The following FOXK1 variants were observed in gnomAD, a reference collection of about 807,000 sequenced individuals.
The protein encoded by FOXK1 is forkhead box protein K1.
A neutral mutation model predicts 51.9 loss-of-function variants in FOXK1; 19 were observed. The ratio of observed to expected loss-of-function variants is 0.37; its 90% CI spans 0.26 to 0.54. The LOEUF (loss-of-function observed/expected upper bound fraction) is 0.54, where lower values mean the gene tolerates loss of function less well. FOXK1 is among the 20% of genes least tolerant of loss of function. The pLI, the probability that FOXK1 is intolerant of heterozygous loss-of-function variation, is 0.87. For synonymous variants in FOXK1, 537 were observed against 482.6 expected, an observed-to-expected ratio of 1.11 and a Z score of -1.48; for missense variants, 870 against 1,032.7, an observed-to-expected ratio of 0.84 and a Z score of 2.16.
intron 1 of FOXK1, among the ~76,000 whole-genome samples, chr7:4,712,588 C>A (rs563233112): frequency 6.6e-6 from 1 of 152,136 alleles, no homozygotes; most frequent in African/African-American, 2.4e-5. Context: ...ATCAAACCAC[C>A]GCTCTCTGAA....
rs1012419708 is a variant in FOXK1 at position 4,731,557 on chromosome 7, C to G, written c.561-9281C>G. Among the ~76,000 whole-genome samples, 1 of 152,102 alleles carries G rather than the reference C, an allele frequency of 6.6e-6. No individual in the cohort carries two copies. The highest frequency in any genetic ancestry group is 1.5e-5 in the Non-Finnish European group (1 of 68,012). On this transcript the variant is annotated intron_variant, in intron 1 of 8. Coordinates refer to ENST00000328914, the MANE Select transcript of FOXK1 (RefSeq NM_001037165.2). The surrounding 1 kb of genome is among the most constrained non-coding windows in gnomAD (Gnocchi z 5.3). ...GGTGCATCACCTGAGGTCAGGAGTT[C>G]AAGACCAGCCTGGCCAACATGGTGA...
chr7:4,737,003 C>G (rs927934175), intron 1 of FOXK1, among the ~76,000 whole-genome samples: 2 of 152,218 alleles, frequency 1.3e-5, no homozygotes, highest in African/African-American at 4.8e-5. Context: ...CTGGCTAGTA[C>G]CTGGCTTTCA....
rs1437460161 is a variant in FOXK1 at position 4,705,542 on chromosome 7, T to TCG, written c.560+22675_560+22676insGC. The stretch of plus-strand genomic sequence containing the variant: ...TTCTCTCTCTCTCTCTCTCTCTCTC[T>TCG]CTCTCTCTCTCTCTCTCGCTCTCGC... On this transcript the variant is annotated intron_variant, in intron 1 of 8. Transcript: ENST00000328914. Among the ~76,000 whole-genome samples the TCG allele has an allele frequency of 7.0e-3, 1,027 of 147,456 alleles. 11 individuals are homozygous for TCG. The highest frequency in any genetic ancestry group is 0.026 in the African/African-American group (984 of 38,280).
In FOXK1 at chr7:4,682,548, C is replaced by T. The variant is rs947339952; in HGVS notation, c.240C>T (p.Asp80=). 1.0e-5 allele frequency: 12 copies of T among 1,153,864 alleles called. No homozygotes were observed. The highest frequency in any genetic ancestry group is 1.3e-5 in the Non-Finnish European group (12 of 941,462). 71.5% of individuals were successfully genotyped at this position (1,153,864 alleles called of 1,614,324 possible). The change falls in exon 1 of 9, where the codon GAC becomes GAT. Residue 80 remains aspartate (D), a synonymous_variant. Coordinates refer to ENST00000328914, the MANE Select transcript of FOXK1 (RefSeq NM_001037165.2). The surrounding 1 kb of genome is among the most constrained non-coding windows in gnomAD (Gnocchi z 7.6). ...SSGGSSGVSG[D]SAVAGAAPAL... ...GGGGCTCCTCCGGGGTATCCGGGGA[C>T]TCCGCGGTCGCGGGCGCGGCGCCGG...
chr7:4,708,455 A>T (rs895314505), intron 1 of FOXK1, among the ~76,000 whole-genome samples: 1 of 152,206 alleles, frequency 6.6e-6, no homozygotes, highest in African/African-American at 2.4e-5. Context: ...GGAAAGGTTG[A>T]TTAGGTTAAA....
At chr7:4,721,140 C>G (rs1372592564) in intron 1 of FOXK1, among the ~76,000 whole-genome samples, 1 of 152,226 alleles carries the variant, frequency 6.6e-6, no homozygotes, top group Non-Finnish European at 1.5e-5. Context: ...AGTCAGCAGC[C>G]TCCCTCTGTG....
In FOXK1 at chr7:4,682,463, C is replaced by T. The variant is rs1247787079; in HGVS notation, c.155C>T (p.Pro52Leu). The change falls in exon 1 of 9, where the codon CCG (proline) becomes CTG (leucine). Residue 52 changes from proline to leucine, a missense_variant. Physicochemically the swap from Pro to Leu is moderately conservative, Grantham distance 98. Coordinates refer to ENST00000328914, the MANE Select transcript of FOXK1 (RefSeq NM_001037165.2). The surrounding 1 kb of genome is among the most constrained non-coding windows in gnomAD (Gnocchi z 7.6). The part of the protein sequence containing the change: ...APAQPQPPPG[P>L]PPPPPPPLPP... ...GCGCAGCCCCAGCCTCCGCCCGGGCCGCCGCCGCCGCCGCCACCGCCGCTG... is the reference window on the plus strand; with the variant it reads ...GCGCAGCCCCAGCCTCCGCCCGGGCTGCCGCCGCCGCCGCCACCGCCGCTG... 59 of 981,826 alleles carry T rather than the reference C, an allele frequency of 6.0e-5. No homozygotes were observed. The highest frequency in any genetic ancestry group is 6.9e-5 in the Non-Finnish European group (57 of 829,056). The allele number at this position is 981,826 out of a possible 1,614,324, so 60.8% of individuals were successfully genotyped here.
chr7:4,720,452 A>G (rs1256904342), intron 1 of FOXK1, among the ~76,000 whole-genome samples: 1 of 151,924 alleles, frequency 6.6e-6, no homozygotes, highest in African/African-American at 2.4e-5. Context: ...AAGCTCGCTG[A>G]TTTCTTTCCT....
chr7:4,762,267 C>A lies in FOXK1; in HGVS notation c.2005C>A (p.Pro669Thr). The A allele has an allele frequency of 1.3e-6, 2 of 1,551,320 alleles. No individual in the cohort carries two copies. The highest frequency in any genetic ancestry group is 1.7e-6 in the Non-Finnish European group (2 of 1,147,084). The change falls in exon 9 of 9, where the codon CCC becomes ACC. Residue 669 changes from proline to threonine, a missense_variant. Coordinates refer to ENST00000328914, the MANE Select transcript of FOXK1 (RefSeq NM_001037165.2). The surrounding 1 kb of genome is among the most constrained non-coding windows in gnomAD (Gnocchi z 5.7). ...GGTCACCCGGGTGTGCGAGGTGGGGCCCAAGGAGCCAGCAGCAGCCGTCGC... is the reference window on the plus strand; with the variant it reads ...GGTCACCCGGGTGTGCGAGGTGGGGACCAAGGAGCCAGCAGCAGCCGTCGC... ...VVVTRVCEVG[P>T]KEPAAAVAAT...
chr7:4,739,107 G>A (rs1268237428), intron 1 of FOXK1, among the ~76,000 whole-genome samples: 3 of 152,170 alleles, frequency 2.0e-5, no homozygotes, highest in East Asian at 1.9e-4. Flanking sequence ...AGGATTTTAC[G>A]TAGATTGACT....
intron 7 of FOXK1, 89 bp from the exon 8 acceptor site, chr7:4,760,975 C>G (rs1387382999): frequency 3.2e-6 from 4 of 1,256,740 alleles, no homozygotes; most frequent in Non-Finnish European, 4.6e-6. Flanking sequence ...ACCTCACTTT[C>G]CCCACTTGTC....
Position 4,723,755 on chromosome 7 carries a change from C to T in FOXK1, c.561-17083C>T, listed in dbSNP as rs1440485525. On this transcript the variant is annotated intron_variant, in intron 1 of 8. Transcript: ENST00000328914. This position sits in a 1 kb window ranked among gnomAD's most constrained non-coding sequence, Gnocchi z 4.7. Reference sequence around the variant, plus strand: ...CAATCGTAGCTCACTGCAGCCTCAACCTCCTGGGCTCAAGCAATCCTCCCG... The same window carrying T: ...CAATCGTAGCTCACTGCAGCCTCAATCTCCTGGGCTCAAGCAATCCTCCCG... 6.6e-6 allele frequency among the ~76,000 whole-genome samples: 1 copy of T among 152,052 alleles called. No homozygotes were observed. Among genetic ancestry groups the T allele is most frequent in the Non-Finnish European group, 1.5e-5 (1 of 67,978 alleles).
At position 4,740,967 on chromosome 7, in the gene FOXK1, G is replaced by C; in HGVS notation, c.690G>C (p.Pro230=). 1 of 1,565,076 alleles carries C rather than the reference G, an allele frequency of 6.4e-7. No individual in the cohort carries two copies. Among genetic ancestry groups the C allele is most frequent in the Non-Finnish European group, 8.6e-7 (1 of 1,160,020 alleles). Residue 230 remains proline, a synonymous_variant, in exon 2 of 9, where the codon CCG becomes CCC. Coordinates refer to ENST00000328914, the MANE Select transcript of FOXK1 (RefSeq NM_001037165.2). ...TCTCCCCTCTGAAGATCCACATCCC[G>C]GAGCCGGACCTCCGGAGCATGGTCA... ...PQISPLKIHI[P]EPDLRSMVSP...
intron 2 of FOXK1, among the ~76,000 whole-genome samples, chr7:4,741,251 A>T (rs1002409473): frequency 6.6e-6 from 1 of 152,324 alleles, no homozygotes; most frequent in African/African-American, 2.4e-5. Flanking sequence ...GAAATTTTAC[A>T]TATTAGAGCT....
At chr7:4,700,098 G>A (rs1048904243) in intron 1 of FOXK1, among the ~76,000 whole-genome samples, 1 of 152,188 alleles carries the variant, frequency 6.6e-6, no homozygotes, top group Non-Finnish European at 1.5e-5. Context: ...CCCGGTGCCT[G>A]GCTGAGCTTA....
Position 4,759,574 on chromosome 7 carries a change from G to A in FOXK1, c.1675G>A (p.Asp559Asn), listed in dbSNP as rs1249690656. Residue 559 changes from aspartate to asparagine, a missense_variant, in exon 7 of 9, where the codon GAC becomes AAC. Coordinates refer to ENST00000328914, the MANE Select transcript of FOXK1 (RefSeq NM_001037165.2). ...TGATGCGGCGGGCGCAGCCGTGCTG[G>A]ACCTGGGCAGCGAGGCCAGAGGTAA... Reference protein sequence around the residue: ...SHDAAGAAVLDLGSEARGLEE... With the variant: ...SHDAAGAAVLNLGSEARGLEE... 4 of 1,537,402 alleles carry A rather than the reference G, an allele frequency of 2.6e-6. No homozygotes were observed. The Admixed American group carries it at 7.8e-5, about 30-fold the overall frequency.
intron 1 of FOXK1, among the ~76,000 whole-genome samples, chr7:4,688,091 A>G (rs574811199): frequency 1.3e-5 from 2 of 152,170 alleles, no homozygotes; most frequent in Non-Finnish European, 2.9e-5. Context: ...TAGAGTAACA[A>G]GCTTCCACAT....
rs147807921 is a variant in FOXK1, at chr7:4,709,055, C to G, written c.560+26187C>G. On this transcript the variant is annotated intron_variant, in intron 1 of 8. Coordinates refer to ENST00000328914, the MANE Select transcript of FOXK1 (RefSeq NM_001037165.2). This position sits in a 1 kb window ranked among gnomAD's most constrained non-coding sequence, Gnocchi z 5.6. ...ACTCCAGCCTGGGCAATGAGCGAGA[C>G]TCTGTCTCAAAAAAAAAAAAAAAAG... is the stretch of plus-strand genomic sequence containing the variant. 1.4e-5 allele frequency among the ~76,000 whole-genome samples: 2 copies of G among 139,242 alleles called. No homozygotes were observed. The highest frequency in any genetic ancestry group is 2.8e-5 in the African/African-American group (1 of 35,694). The allele number at this position is 139,242 out of a possible 152,430, so 91.3% of individuals were successfully genotyped here. A position where few individuals can be genotyped will look rare whatever the true frequency, so the allele number is the denominator to read the frequency against.
At position 4,761,312 on chromosome 7, in the gene FOXK1, A is replaced by T; in HGVS notation, c.1921+24A>T. 6.3e-7 allele frequency: 1 copy of T among 1,599,774 alleles called. No homozygotes were observed. The highest frequency in any genetic ancestry group is 8.5e-7 in the Non-Finnish European group (1 of 1,173,396). Reference sequence around the variant, plus strand: ...CGGTGAGGCCCTGGCCCTGTTCTCCATGCCACATCCCAAGCTCTGTGGCTC... The same window carrying T: ...CGGTGAGGCCCTGGCCCTGTTCTCCTTGCCACATCCCAAGCTCTGTGGCTC... On this transcript the variant is annotated intron_variant, in intron 8 of 8. Transcript: ENST00000328914. The surrounding 1 kb of genome is among the most constrained non-coding windows in gnomAD (Gnocchi z 6.2).
Sources: gnomAD v4.1 joint callset for allele counts (sites outside exome capture counted in the v4.1 genomes callset) on GRCh38, gnomAD v4.1.1 for gene constraint, Gnocchi (gnomAD v3.1) non-coding constraint, MANE v1.5 for transcripts, NCBI Gene and HGNC (gene_info 2026-07-23, HGNC 2026-07-21) for gene names.